The following ADCY2 variants were observed in gnomAD, a reference collection of about 807,000 sequenced individuals.
The protein encoded by ADCY2 is adenylate cyclase 2, also known as adenylate cyclase type 2.
A neutral mutation model predicts 125.2 loss-of-function variants in ADCY2; 31 were observed. That is an observed-to-expected ratio of 0.25 (90% CI 0.19 to 0.33). ADCY2 has a LOEUF of 0.33. Among genes scored for constraint, ADCY2 ranks in the 10% least tolerant of loss-of-function variants. ADCY2 has a pLI of 1.00. For synonymous variants in ADCY2, 512 were observed against 548.4 expected (o/e 0.93, Z 0.93); for missense variants, 904 against 1,418.2 (o/e 0.64, Z 5.82).
chr5:7,476,111 G>A (rs1742515909), intron 2 of ADCY2, among the ~76,000 whole-genome samples: 2 of 152,070 alleles, frequency 1.3e-5, no homozygotes, highest in Non-Finnish European at 2.9e-5. Flanking sequence ...GTAAGCCCAG[G>A]AACTTTAAAA....
rs1553990875 is a variant in ADCY2 at position 7,804,069 on chromosome 5, A to AGAGAGAGC, written c.2776-511_2776-510insAGCGAGAG. ...GAGAGAGAGAGAGAGAGAGAGAGAG[A>AGAGAGAGC]GAGAGCTGGTTTCTCTTCCTAATAC... On this transcript the variant is annotated intron_variant, in intron 21 of 24. Coordinates refer to ENST00000338316, the MANE Select transcript of ADCY2 (RefSeq NM_020546.3). 6.3e-3 allele frequency among the ~76,000 whole-genome samples: 881 copies of AGAGAGAGC among 140,468 alleles called. 14 individuals are homozygous for AGAGAGAGC. Among genetic ancestry groups the AGAGAGAGC allele is most frequent in the African/African-American group, 0.014 (534 of 37,116 alleles). The allele number at this position is 140,468 out of a possible 152,430, so 92.2% of individuals were successfully genotyped here.
chr5:7,398,623 C>T (rs956694581), intron 1 of ADCY2, among the ~76,000 whole-genome samples: 2 of 152,180 alleles, frequency 1.3e-5, no homozygotes, highest in African/African-American at 4.8e-5. Flanking sequence ...TTGGCCATAC[C>T]TAATTCATGG....
At chr5:7,478,431 A>G (rs904634223) in intron 2 of ADCY2, among the ~76,000 whole-genome samples, 3 of 152,226 alleles carry the variant, frequency 2.0e-5, no homozygotes, top group Non-Finnish European at 2.9e-5. Flanking sequence ...TTGTGTATAC[A>G]TAAGTGTGTA....
chr5:7,425,169 G>A (rs1397804580), intron 2 of ADCY2, among the ~76,000 whole-genome samples: 1 of 152,328 alleles, frequency 6.6e-6, no homozygotes, highest in Non-Finnish European at 1.5e-5. Context: ...ACACAAGGGC[G>A]CAACAAGGAG....
At chr5:7,650,249 A>ACAC (rs1561144887) in intron 4 of ADCY2, among the ~76,000 whole-genome samples, 6 of 87,804 alleles carry the variant, frequency 6.8e-5, no homozygotes, top group African/African-American at 1.9e-4. Context: ...CACACACACA[A>ACAC]ACGCACATTC....
intron 2 of ADCY2, among the ~76,000 whole-genome samples, chr5:7,434,639 A>G (rs1230478583): frequency 6.6e-6 from 1 of 152,232 alleles, no homozygotes; most frequent in Admixed American, 6.5e-5. Context: ...TATTTAATAA[A>G]TGCAGAAGCA....
At chr5:7,809,333 C>T (rs1447646567) in intron 22 of ADCY2, among the ~76,000 whole-genome samples, 2 of 152,102 alleles carry the variant, frequency 1.3e-5, no homozygotes, top group African/African-American at 4.8e-5. Flanking sequence ...TTTTGAAGTG[C>T]AATGAATGTA....
rs541402726 is a variant in ADCY2, at chr5:7,434,435, T to C, written c.408+19665T>C. ...TGCAGATGTAGTAGGCTGTGTGTGC[T>C]GCATTCACTGACTTGCATTCCAAGC... On this transcript the variant is annotated intron_variant, in intron 2 of 24. Transcript: ENST00000338316. Among the ~76,000 whole-genome samples, 12 of 152,368 alleles carry C rather than the reference T, an allele frequency of 7.9e-5. No homozygotes were observed. The South Asian group carries it at 2.5e-3, about 32-fold the overall frequency.
chr5:7,724,265 C>T (rs1741865093), intron 12 of ADCY2, among the ~76,000 whole-genome samples: 2 of 151,908 alleles, frequency 1.3e-5, no homozygotes, highest in Admixed American at 1.3e-4. Context: ...TTATTTAATT[C>T]AGATCCCTTG....
chr5:7,815,311 G>A (rs796985511), intron 22 of ADCY2, among the ~76,000 whole-genome samples: 4 of 152,124 alleles, frequency 2.6e-5, no homozygotes, highest in Non-Finnish European at 4.4e-5. Context: ...GAGGGATGCC[G>A]ACTTGAAAAG....
At chr5:7,781,211 G>A (rs914271528) in intron 18 of ADCY2, among the ~76,000 whole-genome samples, 2 of 152,142 alleles carry the variant, frequency 1.3e-5, no homozygotes, top group African/African-American at 4.8e-5. Context: ...AAGAGAGAGG[G>A]AGGAGAGAGA....
intron 2 of ADCY2, among the ~76,000 whole-genome samples, chr5:7,465,406 A>G (rs1337730879): frequency 6.6e-6 from 1 of 152,116 alleles, no homozygotes; most frequent in Non-Finnish European, 1.5e-5. Flanking sequence ...CTTGTTGTTC[A>G]AAGTAAGCCA....
intron 22 of ADCY2, among the ~76,000 whole-genome samples, chr5:7,812,291 A>G (rs1255491049): frequency 6.6e-6 from 1 of 152,114 alleles, no homozygotes; most frequent in Non-Finnish European, 1.5e-5. Context: ...GAAGAGAGAA[A>G]TTTCCTTCTG....
chr5:7,594,790 A>C (rs1229738651), intron 3 of ADCY2, among the ~76,000 whole-genome samples: 1 of 152,204 alleles, frequency 6.6e-6, no homozygotes, highest in African/African-American at 2.4e-5. Context: ...AAAGGATATA[A>C]AATTATGGAA....
chr5:7,443,843 C>T (rs1415057924), intron 2 of ADCY2, among the ~76,000 whole-genome samples: 1 of 151,840 alleles, frequency 6.6e-6, no homozygotes, highest in East Asian at 1.9e-4. Flanking sequence ...GTTTTAACAT[C>T]CCTTGGAATA....
Position 7,828,698 on chromosome 5 carries a change from A to T in ADCY2, c.*1827A>T, listed in dbSNP as rs961927663. ...CAAAAACAGTGATTAAAGCAAGAGA[A>T]TTATTACAAGGGCTTTTCTCTTTCC... On this transcript the variant is annotated 3_prime_UTR_variant, in exon 25 of 25. Coordinates refer to ENST00000338316, the MANE Select transcript of ADCY2 (RefSeq NM_020546.3). 3 of 152,346 alleles carry T rather than the reference A, an allele frequency of 2.0e-5. No homozygotes were observed. The highest frequency in any genetic ancestry group is 4.4e-5 in the Non-Finnish European group (3 of 68,036). The allele number at this position is 152,346 out of a possible 1,614,324, so 9.4% of individuals were successfully genotyped here.
intron 3 of ADCY2, among the ~76,000 whole-genome samples, chr5:7,535,595 C>T (rs545031669): frequency 5.3e-5 from 8 of 152,294 alleles, no homozygotes; most frequent in Admixed American, 5.2e-4. Flanking sequence ...CTTCCGGCAT[C>T]CTCAAACTTT....
intron 2 of ADCY2, among the ~76,000 whole-genome samples, chr5:7,489,381 G>A (rs1299522507): frequency 6.6e-6 from 1 of 152,150 alleles, no homozygotes; most frequent in African/African-American, 2.4e-5. Flanking sequence ...TTGCCACTCA[G>A]CCCTTCCTTG....
At chr5:7,573,593 CTTTTTTTTTTTTTTTTT>C (rs763347773) in intron 3 of ADCY2, among the ~76,000 whole-genome samples, 5 of 86,376 alleles carry the variant, frequency 5.8e-5, no homozygotes, top group African/African-American at 2.2e-4. Flanking sequence ...GGTTGATTTT[CTTTTTTTTTTTTTTTTT>C]TTTTTTTTGA....
Sources: allele counts gnomAD v4.1 joint callset (sites outside exome capture counted in the v4.1 genomes callset), GRCh38; gene constraint gnomAD v4.1.1; transcripts MANE v1.5; gene names NCBI Gene and HGNC (gene_info 2026-07-23, HGNC 2026-07-21).